Variants in GABBR2 observed in about 807,000 individuals in gnomAD.
The protein encoded by GABBR2 is gamma-aminobutyric acid type B receptor subunit 2, also known as G-protein coupled receptor 51.
GABBR2 carries 23 observed loss-of-function variants against 105.6 expected under a neutral mutation model. That is an observed-to-expected ratio of 0.22 (90% CI 0.16 to 0.31). GABBR2 has a LOEUF of 0.31. GABBR2 is among the 10% of genes least tolerant of loss of function. The pLI, the probability that GABBR2 is intolerant of heterozygous loss-of-function variation, is 1.00. For synonymous variants in GABBR2, 478 were observed against 499.7 expected (o/e 0.96, Z 0.58); for missense variants, 734 against 1,245.5 (o/e 0.59, Z 6.18).
intron 13 of GABBR2, chr9:98,362,492 A>G: frequency 3.4e-6 from 1 of 294,722 alleles, no homozygotes; most frequent in Non-Finnish European, 6.2e-6. Flanking sequence ...AAAAAGCCCA[A>G]CATTTCCCAT....
chr9:98,600,147 G>T (rs1427168814), intron 1 of GABBR2, among the ~76,000 whole-genome samples: 1 of 152,122 alleles, frequency 6.6e-6, no homozygotes, highest in Non-Finnish European at 1.5e-5. Flanking sequence ...GGGCTGTGCA[G>T]CCCCCCAAAT....
At position 98,289,339 on chromosome 9, in the gene GABBR2, A is replaced by AAGTC. The variant is rs1339764162; in HGVS notation, c.*1241_*1244dup. ...CAGAGAGACACTAGTGACCTGATCA[A>AAGTC]AGTCACGTAGGGAGTGGGCAGGGGA... On this transcript the variant is annotated 3_prime_UTR_variant, in exon 19 of 19. Coordinates refer to ENST00000259455, the MANE Select transcript of GABBR2 (RefSeq NM_005458.8). 1.3e-5 allele frequency: 2 copies of AAGTC among 152,476 alleles called. No individual in the cohort carries two copies. The highest frequency in any genetic ancestry group is 2.9e-5 in the Non-Finnish European group (2 of 68,104). The allele number at this position is 152,476 out of a possible 1,614,324, so 9.4% of individuals were successfully genotyped here.
chr9:98,574,629 G>A (rs1345764290), intron 2 of GABBR2, among the ~76,000 whole-genome samples: 1 of 152,192 alleles, frequency 6.6e-6, no homozygotes, highest in Non-Finnish European at 1.5e-5. Flanking sequence ...AAATTTGGGG[G>A]GATTTGTTAC....
chr9:98,600,344 C>T (rs1829308303), intron 1 of GABBR2, among the ~76,000 whole-genome samples: 1 of 152,166 alleles, frequency 6.6e-6, no homozygotes, highest in South Asian at 2.1e-4. Context: ...ATAGCATCAA[C>T]CATCATCTGT....
chr9:98,349,379 T>TC (rs1831357779), intron 13 of GABBR2, among the ~76,000 whole-genome samples: 1 of 110,570 alleles, frequency 9.0e-6, no homozygotes. Context: ...TTTTTTTTTT[T>TC]CGGGACAGAG....
intron 14 of GABBR2, among the ~76,000 whole-genome samples, chr9:98,307,327 G>A (rs118158083): frequency 6.6e-6 from 1 of 152,176 alleles, no homozygotes; most frequent in African/African-American, 2.4e-5. Context: ...CTAAGGGGAG[G>A]GCGGGCTGCA....
At chr9:98,422,767 CT>C (rs1470045600) in intron 7 of GABBR2, among the ~76,000 whole-genome samples, 54 of 144,846 alleles carry the variant, frequency 3.7e-4, no homozygotes, top group African/African-American at 1.2e-3. Context: ...CCCCCTCCCC[CT>C]ACCCCACAAC....
intron 3 of GABBR2, among the ~76,000 whole-genome samples, chr9:98,515,410 CCTGGGAAATCA>C (rs1412756087): frequency 6.6e-6 from 1 of 152,114 alleles, no homozygotes; most frequent in African/African-American, 2.4e-5. Context: ...TTTCTGAGAC[CCTGGGAAATCA>C]CTGCACTTTT....
intron 7 of GABBR2, among the ~76,000 whole-genome samples, chr9:98,432,409 C>A (rs187773594): frequency 6.6e-6 from 1 of 152,106 alleles, no homozygotes; most frequent in Non-Finnish European, 1.5e-5. Flanking sequence ...TGTAGAAACA[C>A]GGCTGGCATG....
At chr9:98,585,718 C>G (rs1320201232) in intron 1 of GABBR2, among the ~76,000 whole-genome samples, 1 of 89,516 alleles carries the variant, frequency 1.1e-5, no homozygotes, top group Non-Finnish European at 2.7e-5. Context: ...ATTCATGCCT[C>G]TCAATATTAT....
At chr9:98,612,018 T>C (rs940733647) in intron 1 of GABBR2, among the ~76,000 whole-genome samples, 1 of 152,252 alleles carries the variant, frequency 6.6e-6, no homozygotes, top group African/African-American at 2.4e-5. Context: ...TCTTTGAGGC[T>C]CTATCTGGGC....
chr9:98,482,165 C>T (rs575374981), intron 4 of GABBR2, among the ~76,000 whole-genome samples: 1 of 152,306 alleles, frequency 6.6e-6, no homozygotes, highest in South Asian at 2.1e-4. Context: ...GGCCTCATGG[C>T]CCTTTGATGC....
intron 7 of GABBR2, among the ~76,000 whole-genome samples, chr9:98,428,146 G>A (rs1238929803): frequency 6.6e-6 from 1 of 152,194 alleles, no homozygotes; most frequent in Non-Finnish European, 1.5e-5. Context: ...ATCCTGGATG[G>A]CTCAAAAGAA....
chr9:98,578,193 G>T, intron 1 of GABBR2, 121 bp from the exon 2 acceptor site: 3 of 1,118,272 alleles, frequency 2.7e-6, no homozygotes, highest in East Asian at 2.4e-5. Flanking sequence ...TCCCATGGTG[G>T]GGAGTCTCCT....
At chr9:98,406,580 C>G (rs912078685) in intron 7 of GABBR2, among the ~76,000 whole-genome samples, 1 of 152,154 alleles carries the variant, frequency 6.6e-6, no homozygotes, top group Non-Finnish European at 1.5e-5. Context: ...GGCTTCAGGA[C>G]CAGAAGGGTG....
intron 2 of GABBR2, among the ~76,000 whole-genome samples, chr9:98,551,792 G>A (rs1473720605): frequency 6.6e-6 from 1 of 152,170 alleles, no homozygotes; most frequent in Non-Finnish European, 1.5e-5. Flanking sequence ...GGACATTTAG[G>A]CTTAACCCTG....
At chr9:98,293,497 C>G (rs1201777187) in intron 18 of GABBR2, among the ~76,000 whole-genome samples, 2 of 152,212 alleles carry the variant, frequency 1.3e-5, no homozygotes, top group African/African-American at 2.4e-5. Context: ...TTACACATAA[C>G]AAAGGCAGCG....
intron 7 of GABBR2, among the ~76,000 whole-genome samples, chr9:98,409,479 C>A (rs112317241): frequency 6.6e-6 from 1 of 152,294 alleles, no homozygotes; most frequent in Non-Finnish European, 1.5e-5. Context: ...AGCTAAGCAC[C>A]GAGCCCAGGG....
At chr9:98,575,029 T>C (rs1418518087) in intron 2 of GABBR2, among the ~76,000 whole-genome samples, 3 of 152,096 alleles carry the variant, frequency 2.0e-5, no homozygotes, top group African/African-American at 4.8e-5. Context: ...AAAGTCCAGG[T>C]TCTGTCCTTA....
Sources: gnomAD v4.1 joint callset for allele counts (sites outside exome capture counted in the v4.1 genomes callset) on GRCh38, gnomAD v4.1.1 for gene constraint, MANE v1.5 for transcripts, NCBI Gene and HGNC (gene_info 2026-07-23, HGNC 2026-07-21) for gene names.